The following MTCH1 variants were observed in gnomAD, a reference collection of about 807,000 sequenced individuals.
MTCH1 encodes the protein mitochondrial carrier 1, also known as mitochondrial carrier homolog 1.
MTCH1 carries 23 observed loss-of-function variants against 49.3 expected under a neutral mutation model. That is an observed-to-expected ratio of 0.47 (90% CI 0.34 to 0.66). The LOEUF (loss-of-function observed/expected upper bound fraction) is 0.66. Ranked by LOEUF, MTCH1 falls within the 30% of genes least tolerant of loss-of-function variation. The probability of loss-of-function intolerance (pLI) is 0.01; values close to 1 mark genes in which losing one functional copy is unlikely to be tolerated. For missense variants in MTCH1, 397 were observed against 532.1 expected (o/e 0.75, Z 2.50); for synonymous variants, 229 against 215.2 (o/e 1.06, Z -0.56).
chr6:36,972,529 T>C lies in MTCH1; in HGVS notation c.906+123A>G. On this transcript the variant is annotated intron_variant, in intron 8 of 11. Transcript: ENST00000373627. This position sits in a 1 kb window ranked among gnomAD's most constrained non-coding sequence, Gnocchi z 4.1. The stretch of plus-strand genomic sequence containing the variant: ...CCTTAGACAAAGATGACTCCAGGGA[T>C]AATGAGAGGTCCTCTCTCACCCTCC... The C allele has an allele frequency of 8.4e-7, 1 of 1,185,658 alleles. No homozygotes were observed. Among genetic ancestry groups the C allele is most frequent in the Non-Finnish European group, 1.2e-6 (1 of 864,260 alleles). 73.4% of individuals were successfully genotyped at this position (1,185,658 alleles called of 1,614,324 possible).
At chr6:36,984,298 ACCAAATGC>A (rs1293652508) in intron 1 of MTCH1, among the ~76,000 whole-genome samples, 1 of 151,900 alleles carries the variant, frequency 6.6e-6, no homozygotes, top group Non-Finnish European at 1.5e-5. Flanking sequence ...CCAAATCACA[ACCAAATGC>A]CAGTCTGGTC....
In MTCH1 at chr6:36,972,624, A is replaced by C; in HGVS notation, c.906+28T>G. ...CCCTGGGCATCAGCAGCACACGGAA[A>C]GAAGGACAAGTCCTTGTTCCAACCA... On this transcript the variant is annotated intron_variant, in intron 8 of 11. Coordinates refer to ENST00000373627, the MANE Select transcript of MTCH1 (RefSeq NM_001271641.2). The surrounding 1 kb of genome is among the most constrained non-coding windows in gnomAD (Gnocchi z 4.1). 6.5e-7 allele frequency: 1 copy of C among 1,537,062 alleles called. No homozygotes were observed.
chr6:36,968,477 T>C lies in MTCH1; in HGVS notation c.*426A>G, dbSNP rs180930776. The C allele has an allele frequency of 2.0e-5, 7 of 351,470 alleles. No homozygotes were observed. Among genetic ancestry groups the C allele is most frequent in the Admixed American group, 3.9e-5 (1 of 25,918 alleles). 21.8% of individuals were successfully genotyped at this position (351,470 alleles called of 1,614,324 possible). ...CCACGTGCCAGGGGACCACACCCTATGTACAAAGCAGGAGAATGATGCTCC... is the reference window on the plus strand; with the variant it reads ...CCACGTGCCAGGGGACCACACCCTACGTACAAAGCAGGAGAATGATGCTCC... On this transcript the variant is annotated 3_prime_UTR_variant, in exon 12 of 12. Transcript: ENST00000373627.
chr6:36,979,895 T>C (rs1764027135), intron 2 of MTCH1, among the ~76,000 whole-genome samples: 1 of 152,084 alleles, frequency 6.6e-6, no homozygotes, highest in Admixed American at 6.5e-5. Context: ...GAGGAACAAG[T>C]GAGAGCGGAG....
In MTCH1 at chr6:36,977,821, G is replaced by A. The variant is rs1763942729; in HGVS notation, c.592-130C>T. The A allele has an allele frequency of 2.3e-6, 2 of 878,578 alleles. No individual in the cohort carries two copies. The highest frequency in any genetic ancestry group is 3.3e-5 in the South Asian group (2 of 59,964). 54.4% of individuals were successfully genotyped at this position (878,578 alleles called of 1,614,324 possible). On this transcript the variant is annotated intron_variant, in intron 4 of 11. Coordinates refer to ENST00000373627, the MANE Select transcript of MTCH1 (RefSeq NM_001271641.2). The surrounding 1 kb of genome is among the most constrained non-coding windows in gnomAD (Gnocchi z 5.4). The stretch of plus-strand genomic sequence containing the variant: ...ACTGCACATGGGGTCGGTCTGCCAA[G>A]GATGGCTCCACCTGTTGCCCACTCC...
In MTCH1 at chr6:36,970,699, G is replaced by A. The variant is rs751859922; in HGVS notation, c.907-5C>T. 3.5e-5 allele frequency: 56 copies of A among 1,613,896 alleles called. No homozygotes were observed. The highest frequency in any genetic ancestry group is 4.2e-5 in the Non-Finnish European group (50 of 1,179,972). On this transcript the variant is annotated splice_polypyrimidine_tract_variant and splice_region_variant and intron_variant, in intron 8 of 11. Coordinates refer to ENST00000373627, the MANE Select transcript of MTCH1 (RefSeq NM_001271641.2). ...GATGGCCAGGGCCTGGCTGAACTGAGGAGACAGAAGGGAAGAGTGGTTTGC... is the reference window on the plus strand; with the variant it reads ...GATGGCCAGGGCCTGGCTGAACTGAAGAGACAGAAGGGAAGAGTGGTTTGC...
At chr6:36,986,349 C>T, upstream of MTCH1, 2 of 522,630 alleles carry the variant, frequency 3.8e-6, no homozygotes, top group East Asian at 3.9e-5. Context: ...TAGCAGGACA[C>T]TGGGCTGCGG....
In MTCH1 at chr6:36,976,624, A is replaced by G. The variant is rs1467369588; in HGVS notation, c.701+575T>C. 5.1e-5 allele frequency: 24 copies of G among 470,092 alleles called. 1 individual carries two copies. The highest frequency in any genetic ancestry group is 3.7e-4 in the South Asian group (24 of 64,490). 29.1% of individuals were successfully genotyped at this position (470,092 alleles called of 1,614,324 possible). On this transcript the variant is annotated intron_variant, in intron 6 of 11. Coordinates refer to ENST00000373627, the MANE Select transcript of MTCH1 (RefSeq NM_001271641.2). ...CTGCAAAAAACACCGACCCCAGGAA[A>G]TGAGAATCTTAAGAGAGGAAGGGCA...
chr6:36,979,540 C>T (rs951625683), intron 2 of MTCH1, among the ~76,000 whole-genome samples: 8 of 152,200 alleles, frequency 5.3e-5, no homozygotes, highest in African/African-American at 1.9e-4. Context: ...TTTGCTCCTC[C>T]GCAGATGTCT....
chr6:36,972,871 A>C lies in MTCH1; in HGVS notation c.762-75T>G. 1 of 1,426,100 alleles carries C rather than the reference A, an allele frequency of 7.0e-7. No individual in the cohort carries two copies. Among genetic ancestry groups the C allele is most frequent in the Non-Finnish European group, 9.5e-7 (1 of 1,048,738 alleles). 88.3% of individuals were successfully genotyped at this position (1,426,100 alleles called of 1,614,324 possible). A position where few individuals can be genotyped will look rare whatever the true frequency, so the allele number is the denominator to read the frequency against. On this transcript the variant is annotated intron_variant, in intron 7 of 11. Coordinates refer to ENST00000373627, the MANE Select transcript of MTCH1 (RefSeq NM_001271641.2). The surrounding 1 kb of genome is among the most constrained non-coding windows in gnomAD (Gnocchi z 4.1). ...CCTGGGGGCTCCACACCCAGGAAGC[A>C]GGCAGGGATGTTCCGAGCTCAAAAT...
rs1763723208 is a variant in MTCH1, at chr6:36,972,646, A to G, written c.906+6T>C. ...GAAAGAAGGACAAGTCCTTGTTCCA[A>G]CCAACCTGGGAACCTGGATTCTGGT... On this transcript the variant is annotated splice_donor_region_variant and intron_variant, in intron 8 of 11. Transcript: ENST00000373627. This position sits in a 1 kb window ranked among gnomAD's most constrained non-coding sequence, Gnocchi z 4.1. The G allele has an allele frequency of 4.5e-6, 7 of 1,549,588 alleles. No homozygotes were observed. The highest frequency in any genetic ancestry group is 6.1e-6 in the Non-Finnish European group (7 of 1,145,356).
chr6:36,980,380 A>G (rs1554144106), intron 2 of MTCH1, among the ~76,000 whole-genome samples: 1 of 152,250 alleles, frequency 6.6e-6, no homozygotes, highest in Non-Finnish European at 1.5e-5. Context: ...AGCCCCGTGC[A>G]GGGCCGCAGC....
At chr6:36,983,042 G>A (rs1764160422) in intron 1 of MTCH1, among the ~76,000 whole-genome samples, 3 of 152,344 alleles carry the variant, frequency 2.0e-5, no homozygotes, top group South Asian at 4.1e-4. Context: ...GATCAACCCT[G>A]TCCCCTTTTG....
chr6:36,972,892 A>C lies in MTCH1; in HGVS notation c.762-96T>G. On this transcript the variant is annotated intron_variant, in intron 7 of 11. Transcript: ENST00000373627. The surrounding 1 kb of genome is among the most constrained non-coding windows in gnomAD (Gnocchi z 4.1). The stretch of plus-strand genomic sequence containing the variant: ...AAGCAGGCAGGGATGTTCCGAGCTC[A>C]AAATCTTAGCATATCCAATGGCACA... The C allele has an allele frequency of 7.8e-6, 10 of 1,280,922 alleles. No individual in the cohort carries two copies. The highest frequency in any genetic ancestry group is 1.1e-5 in the Non-Finnish European group (10 of 926,234). The allele number at this position is 1,280,922 out of a possible 1,614,324, so 79.3% of individuals were successfully genotyped here.
intron 1 of MTCH1, among the ~76,000 whole-genome samples, chr6:36,984,332 C>A (rs1764215869): frequency 6.6e-6 from 1 of 152,194 alleles, no homozygotes; most frequent in Non-Finnish European, 1.5e-5. Flanking sequence ...CTTCCGCCAT[C>A]AACAATTTTC....
intron 7 of MTCH1, among the ~76,000 whole-genome samples, chr6:36,975,343 A>G (rs2150747918): frequency 6.6e-6 from 1 of 152,382 alleles, no homozygotes; most frequent in South Asian, 2.1e-4. Context: ...CAGTGAGGCC[A>G]AGGACTATGC....
At chr6:36,973,074 T>G (rs1763738766) in intron 7 of MTCH1, among the ~76,000 whole-genome samples, 1 of 152,204 alleles carries the variant, frequency 6.6e-6, no homozygotes. Context: ...GATCAAGATG[T>G]GAATACTGCC....
At position 36,977,019 on chromosome 6, in the gene MTCH1, G is replaced by T. The variant is rs1273985502; in HGVS notation, c.701+180C>A. ...GCTGCCCTTGATAAGAGATGACGAA[G>T]AGAAAATGACCCTGGACAGACTATT... On this transcript the variant is annotated intron_variant, in intron 6 of 11. Coordinates refer to ENST00000373627, the MANE Select transcript of MTCH1 (RefSeq NM_001271641.2). This position sits in a 1 kb window ranked among gnomAD's most constrained non-coding sequence, Gnocchi z 5.4. Among the ~76,000 whole-genome samples the T allele has an allele frequency of 1.3e-5, 2 of 152,164 alleles. No individual in the cohort carries two copies. Among genetic ancestry groups the T allele is most frequent in the Non-Finnish European group, 2.9e-5 (2 of 68,038 alleles).
chr6:36,979,766 G>A (rs1404859893), intron 2 of MTCH1, among the ~76,000 whole-genome samples: 3 of 152,166 alleles, frequency 2.0e-5, no homozygotes, highest in Non-Finnish European at 4.4e-5. Flanking sequence ...CTAGTGAGGA[G>A]AGGGAGCCTC....
Sources: gnomAD v4.1 joint callset for allele counts (sites outside exome capture counted in the v4.1 genomes callset) on GRCh38, gnomAD v4.1.1 for gene constraint, Gnocchi (gnomAD v3.1) non-coding constraint, MANE v1.5 for transcripts, NCBI Gene and HGNC (gene_info 2026-07-23, HGNC 2026-07-21) for gene names.